ITFG1: variants seen among roughly 807,000 people sequenced by gnomAD.
ITFG1 encodes the protein integrin alpha FG-GAP repeat containing 1.
Under a neutral mutation model 81.8 loss-of-function variants are expected in ITFG1, and 34 were observed. The observed-to-expected ratio is 0.42, with a 90% CI of 0.32 to 0.55. The LOEUF (loss-of-function observed/expected upper bound fraction) is 0.55. Ranked by LOEUF, ITFG1 falls within the 20% of genes least tolerant of loss-of-function variation. ITFG1 has a pLI of 0.17. For synonymous variants in ITFG1, 285 were observed against 270.6 expected, an observed-to-expected ratio of 1.05 and a Z score of -0.52; for missense variants, 672 against 755.4, an observed-to-expected ratio of 0.89 and a Z score of 1.29.
intron 13 of ITFG1, among the ~76,000 whole-genome samples, chr16:47,226,172 G>A (rs1174465957): frequency 1.3e-5 from 2 of 152,218 alleles, no homozygotes; most frequent in Admixed American, 6.5e-5. Context: ...AAGTTACGAT[G>A]TTAGTTGTAA....
chr16:47,397,444 C>T (rs1208913649), intron 6 of ITFG1, among the ~76,000 whole-genome samples: 1 of 152,162 alleles, frequency 6.6e-6, no homozygotes, highest in Non-Finnish European at 1.5e-5. Context: ...GAGGAAATAG[C>T]ATTTGAGATA....
chr16:47,199,993 G>A (rs915111319), intron 14 of ITFG1, among the ~76,000 whole-genome samples: 2 of 134,176 alleles, frequency 1.5e-5, no homozygotes, highest in Non-Finnish European at 3.2e-5. Flanking sequence ...GTGGAGCTCA[G>A]GCCATAATGT....
At chr16:47,381,772 A>C (rs1968399099) in intron 6 of ITFG1, among the ~76,000 whole-genome samples, 1 of 152,240 alleles carries the variant, frequency 6.6e-6, no homozygotes, top group African/African-American at 2.4e-5. Flanking sequence ...TGACTTCTGA[A>C]ATCACTAAGA....
chr16:47,329,099 A>G (rs957394908), intron 8 of ITFG1, among the ~76,000 whole-genome samples: 10 of 152,218 alleles, frequency 6.6e-5, no homozygotes, highest in Non-Finnish European at 1.3e-4. Flanking sequence ...GCACCATAAA[A>G]TGATGGTAAA....
chr16:47,247,240 C>A (rs1966012086), intron 12 of ITFG1, among the ~76,000 whole-genome samples: 1 of 148,796 alleles, frequency 6.7e-6, no homozygotes, highest in African/African-American at 2.4e-5. Flanking sequence ...TTTTTCCCCT[C>A]TTATTGCTCA....
chr16:47,194,479 A>G (rs1965331628), intron 14 of ITFG1, among the ~76,000 whole-genome samples: 1 of 152,308 alleles, frequency 6.6e-6, no homozygotes, highest in Non-Finnish European at 1.5e-5. Context: ...ATAAGACTCC[A>G]TTCTGGACAC....
chr16:47,277,860 C>T (rs1390279596), intron 10 of ITFG1, among the ~76,000 whole-genome samples: 1 of 152,100 alleles, frequency 6.6e-6, no homozygotes, highest in East Asian at 1.9e-4. Flanking sequence ...TGTGATATGC[C>T]AGCACATACA....
chr16:47,272,912 A>C (rs1966358568), intron 10 of ITFG1, among the ~76,000 whole-genome samples: 1 of 148,356 alleles, frequency 6.7e-6, no homozygotes, highest in African/African-American at 2.5e-5. Flanking sequence ...TATATCTAGT[A>C]TGCAATTTTT....
At chr16:47,350,873 A>G (rs967852464) in intron 8 of ITFG1, among the ~76,000 whole-genome samples, 1 of 152,212 alleles carries the variant, frequency 6.6e-6, no homozygotes, top group Non-Finnish European at 1.5e-5. Flanking sequence ...ACCATGATCA[A>G]GTGGGCTTCA....
chr16:47,199,191 T>C (rs1965394058), intron 14 of ITFG1, among the ~76,000 whole-genome samples: 2 of 151,978 alleles, frequency 1.3e-5, no homozygotes, highest in South Asian at 2.1e-4. Flanking sequence ...TGCTTGAACC[T>C]GGGAGGCAGA....
At chr16:47,461,204 C>G, upstream of ITFG1, 1 of 979,258 alleles carries the variant, frequency 1.0e-6, no homozygotes, top group Non-Finnish European at 1.5e-6. Context: ...CCTTCCGACG[C>G]TAAAAAAGCA....
chr16:47,234,620 G>A (rs545855580), intron 13 of ITFG1, among the ~76,000 whole-genome samples: 2 of 151,910 alleles, frequency 1.3e-5, no homozygotes, highest in African/African-American at 4.8e-5. Flanking sequence ...TATTCGAACC[G>A]CAAAAAATCA....
intron 14 of ITFG1, among the ~76,000 whole-genome samples, chr16:47,188,892 G>C (rs1965259306): frequency 6.6e-6 from 1 of 152,158 alleles, no homozygotes; most frequent in Non-Finnish European, 1.5e-5. Flanking sequence ...AGCCTCCCAA[G>C]TAGCTGGGAT....
chr16:47,183,437 A>G (rs1444942003), intron 14 of ITFG1, among the ~76,000 whole-genome samples: 1 of 152,156 alleles, frequency 6.6e-6, no homozygotes, highest in Non-Finnish European at 1.5e-5. Flanking sequence ...AGATCTGAGA[A>G]CGGGCAGACT....
At chr16:47,264,772 G>A (rs976587248) in intron 10 of ITFG1, among the ~76,000 whole-genome samples, 7 of 152,096 alleles carry the variant, frequency 4.6e-5, no homozygotes, top group South Asian at 2.1e-4. Flanking sequence ...GCCGGTATTA[G>A]TAACATTGCT....
At chr16:47,200,974 A>G (rs1965417473) in intron 14 of ITFG1, among the ~76,000 whole-genome samples, 3 of 152,214 alleles carry the variant, frequency 2.0e-5, no homozygotes. Flanking sequence ...TCCCAATAAT[A>G]TGTTTTAAAA....
chr16:47,263,310 A>G (rs1966233146), intron 10 of ITFG1: 1 of 464,100 alleles, frequency 2.2e-6, no homozygotes, highest in Non-Finnish European at 4.4e-6. Flanking sequence ...GGCTATTCCT[A>G]TAACCTGGAA....
chr16:47,273,357 T>TA lies in ITFG1; in HGVS notation c.1071-12663dup, dbSNP rs994596750. ...TAGGAATCCTCTAAAAATTAAACAT[T>TA]AAAAAAATGATGCTCTGAAACCCAT... On this transcript the variant is annotated intron_variant, in intron 10 of 17. Transcript: ENST00000320640. 5.3e-4 allele frequency among the ~76,000 whole-genome samples: 81 copies of TA among 152,158 alleles called. 1 individual carries two copies. Among genetic ancestry groups the TA allele is most frequent in the African/African-American group, 1.8e-3 (76 of 41,500 alleles).
rs1042886074 is a variant in ITFG1 at position 47,453,993 on chromosome 16, A to C, written c.427+20T>G. On this transcript the variant is annotated intron_variant, in intron 3 of 17. Coordinates refer to ENST00000320640, the MANE Select transcript of ITFG1 (RefSeq NM_030790.5). ...TTCATATTCAATGATAAATATTAAA[A>C]ATTTTTAAAACAAATTCACCTAATG... The C allele has an allele frequency of 7.3e-6, 11 of 1,511,870 alleles. No homozygotes were observed. The highest frequency in any genetic ancestry group is 1.2e-5 in the South Asian group (1 of 83,530). 93.7% of individuals were successfully genotyped at this position (1,511,870 alleles called of 1,614,324 possible). A position where few individuals can be genotyped will look rare whatever the true frequency, so the allele number is the denominator to read the frequency against.
Sources: allele counts gnomAD v4.1 joint callset (sites outside exome capture counted in the v4.1 genomes callset), GRCh38; gene constraint gnomAD v4.1.1; transcripts MANE v1.5; gene names NCBI Gene and HGNC (gene_info 2026-07-23, HGNC 2026-07-21).